The following KDR variants were observed in gnomAD, a reference collection of about 807,000 sequenced individuals.
KDR encodes kinase insert domain receptor.
Under a neutral mutation model 160.9 loss-of-function variants are expected in KDR, and 43 were observed. The observed-to-expected ratio is 0.27, with a 90% CI of 0.21 to 0.34. The LOEUF (loss-of-function observed/expected upper bound fraction) is 0.34, where lower values mean the gene tolerates loss of function less well. Ranked by LOEUF, KDR falls within the 10% of genes least tolerant of loss-of-function variation. KDR has a pLI of 1.00. For synonymous variants in KDR, 617 were observed against 600.1 expected, an observed-to-expected ratio of 1.03 and a Z score of -0.41; for missense variants, 1,469 against 1,666.4, an observed-to-expected ratio of 0.88 and a Z score of 2.06.
intron 11 of KDR, 116 bp from the exon 12 acceptor site, chr4:55,106,056 C>T: frequency 2.6e-6 from 2 of 777,098 alleles, no homozygotes; most frequent in Non-Finnish European, 4.7e-6. Context: ...CCCACTTCTG[C>T]AGCGGTTGGA....
At chr4:55,085,499 C>T (rs1423447749) in intron 27 of KDR, among the ~76,000 whole-genome samples, 1 of 152,128 alleles carries the variant, frequency 6.6e-6, no homozygotes, top group African/African-American at 2.4e-5. Flanking sequence ...TGAGAAGTAC[C>T]CCAGCCTCAA....
chr4:55,107,706 A>G (rs2110025213), intron 10 of KDR, 31 bp downstream of exon 10: 1 of 1,613,566 alleles, frequency 6.2e-7, no homozygotes, highest in Admixed American at 1.7e-5. Flanking sequence ...GCAAGATGGC[A>G]GGAAAGCAAA....
At chr4:55,103,375 C>T (rs1377310996) in intron 13 of KDR, among the ~76,000 whole-genome samples, 1 of 152,186 alleles carries the variant, frequency 6.6e-6, no homozygotes, top group Non-Finnish European at 1.5e-5. Context: ...ACATTGAAGT[C>T]TAAGCAAATG....
intron 15 of KDR, among the ~76,000 whole-genome samples, chr4:55,101,356 C>A (rs1036679929): frequency 6.6e-5 from 10 of 152,158 alleles, no homozygotes; most frequent in African/African-American, 2.4e-4. Context: ...TAAAAGAATA[C>A]ATACTCACTG....
At chr4:55,103,734 A>C (rs1219818011) in intron 13 of KDR, among the ~76,000 whole-genome samples, 1 of 152,032 alleles carries the variant, frequency 6.6e-6, no homozygotes, top group Non-Finnish European at 1.5e-5. Flanking sequence ...ACCCTCTAAA[A>C]CTGTGGTATA....
intron 13 of KDR, among the ~76,000 whole-genome samples, chr4:55,104,101 C>T (rs1170167049): frequency 2.6e-5 from 4 of 152,150 alleles, no homozygotes; most frequent in Admixed American, 6.5e-5. Context: ...AGGTCTTAAA[C>T]GCAGCCCATC....
In KDR at chr4:55,115,373, G is replaced by T; in HGVS notation, c.397C>A (p.His133Asn). Residue 133 changes from histidine to asparagine, a missense_variant, in exon 4 of 30, where the codon CAT (histidine) becomes AAT (asparagine). Physicochemically the swap from His to Asn is moderately conservative, Grantham distance 68. Around this residue, in one of 7 missense-constraint regions of KDR, gnomAD observed 792 missense variants for 840.9 expected, o/e 0.94. Transcript: ENST00000263923. ...TTCTCAGTAATGTACACGACTCCAT[G>T]TTGGTCACTAACAGAAGCAATAAAT... Reference protein sequence around the residue: ...SPFIASVSDQHGVVYITENKN... With the variant: ...SPFIASVSDQNGVVYITENKN... 1 of 1,547,948 alleles carries T rather than the reference G, an allele frequency of 6.5e-7. No homozygotes were observed. The highest frequency in any genetic ancestry group is 8.9e-7 in the Non-Finnish European group (1 of 1,119,764).
rs762537157 is a variant in KDR, at chr4:55,110,695, G to T, written c.1050C>A (p.Ile350=). 1.2e-6 allele frequency: 2 copies of T among 1,613,462 alleles called. No individual in the cohort carries two copies. The highest frequency in any genetic ancestry group is 1.1e-5 in the South Asian group (1 of 91,028). The part of the protein sequence containing the change: ...VEATVGERVR[I]PAKYLGYPPP... ...GTGGGTAACCAAGGTACTTCGCAGG[G>T]ATTCTGACACGCTCCCCCACCGTGG... is the stretch of plus-strand genomic sequence containing the variant. Residue 350 remains isoleucine (I), a synonymous_variant, in exon 8 of 30, where the codon ATC becomes ATA. Transcript: ENST00000263923.
In KDR at chr4:55,105,902, T is replaced by A; in HGVS notation, c.1575A>T (p.Ser525=). ...TGACCGCTTCACATTTGTACAAAGCTGACACATTTGCCGCTTGGATAACAA... is the reference window on the plus strand; with the variant it reads ...TGACCGCTTCACATTTGTACAAAGCAGACACATTTGCCGCTTGGATAACAA... ...STLVIQAANV[S]ALYKCEAVNK... Residue 525 remains serine (S), a synonymous_variant, in exon 12 of 30, where the codon TCA becomes TCT. Coordinates refer to ENST00000263923, the MANE Select transcript of KDR (RefSeq NM_002253.4). 6.2e-7 allele frequency: 1 copy of A among 1,613,646 alleles called. No homozygotes were observed. The highest frequency in any genetic ancestry group is 8.5e-7 in the Non-Finnish European group (1 of 1,179,626).
In KDR at chr4:55,080,012, C is replaced by A. The variant is rs1351307524; in HGVS notation, c.4000G>T (p.Val1334Leu). The A allele has an allele frequency of 1.2e-6, 2 of 1,614,204 alleles. No individual in the cohort carries two copies. Reference sequence around the variant, plus strand: ...ATCTGGGCTGTGCTACCGGTTTGCACTCCAATCTCTATCAGCTTTAAAAGT... The same window carrying A: ...ATCTGGGCTGTGCTACCGGTTTGCAATCCAATCTCTATCAGCTTTAAAAGT... ...AELLKLIEIG[V>L]QTGSTAQILQ... Residue 1334 changes from valine to leucine, a missense_variant, in exon 30 of 30, where the codon GTG becomes TTG. Val to Leu is a conservative substitution (Grantham distance 32). This residue lies in a region of KDR where 229 missense variants were observed against 197.8 expected (regional missense o/e 1.16). Transcript: ENST00000263923.
At chr4:55,116,038 T>G (rs1326615440) in intron 3 of KDR, among the ~76,000 whole-genome samples, 1 of 152,204 alleles carries the variant, frequency 6.6e-6, no homozygotes. Context: ...TAATTGTTTT[T>G]GCATTTAGTT....
intron 12 of KDR, among the ~76,000 whole-genome samples, chr4:55,105,629 G>A (rs907217411): frequency 2.0e-5 from 3 of 152,218 alleles, no homozygotes; most frequent in Non-Finnish European, 4.4e-5. Context: ...TCTCTCCAGT[G>A]TAGTTAGACG....
intron 4 of KDR, 58 bp from the exon 5 acceptor site, chr4:55,115,100 T>C (rs1206882928): frequency 7.0e-7 from 1 of 1,418,924 alleles, no homozygotes; most frequent in East Asian, 2.3e-5. Context: ...GAGAGCCATG[T>C]ACAATGATCA....
At chr4:55,089,606 A>G (rs1455709126) in intron 24 of KDR, 85 bp downstream of exon 24, 3 of 1,379,722 alleles carry the variant, frequency 2.2e-6, no homozygotes, top group Admixed American at 1.7e-5. Context: ...GTTTTGCCTG[A>G]TAGACATGAA....
At chr4:55,123,375 G>A (rs529734096) in intron 1 of KDR, among the ~76,000 whole-genome samples, 12 of 152,146 alleles carry the variant, frequency 7.9e-5, no homozygotes, top group African/African-American at 2.2e-4. Context: ...GTGCCCACTC[G>A]GCTACCAAAA....
chr4:55,101,019 T>C (rs1720296777), intron 15 of KDR, among the ~76,000 whole-genome samples: 1 of 152,154 alleles, frequency 6.6e-6, no homozygotes, highest in African/African-American at 2.4e-5. Flanking sequence ...CGTATTGAGA[T>C]AAAAACCAAA....
intron 27 of KDR, among the ~76,000 whole-genome samples, chr4:55,082,953 T>A (rs1469690647): frequency 6.6e-6 from 1 of 152,202 alleles, no homozygotes; most frequent in African/African-American, 2.4e-5. Context: ...GGCTTCCTGA[T>A]TGCATGGGAT....
At chr4:55,104,055 G>A (rs1720377289) in intron 13 of KDR, among the ~76,000 whole-genome samples, 1 of 152,178 alleles carries the variant, frequency 6.6e-6, no homozygotes, top group African/African-American at 2.4e-5. Context: ...CAGAGGTACA[G>A]ACAGTGAATG....
Position 55,114,137 on chromosome 4 carries a change from G to C in KDR, c.787C>G (p.Pro263Ala), listed in dbSNP as rs587778429. 5.6e-6 allele frequency: 9 copies of C among 1,613,888 alleles called. No individual in the cohort carries two copies. Among genetic ancestry groups the C allele is most frequent in the East Asian group, 4.5e-5 (2 of 44,862 alleles). The change falls in exon 6 of 30, where the codon CCT becomes GCT. Residue 263 changes from proline to alanine, a missense_variant. Transcript: ENST00000263923. ...NVGIDFNWEY[P>A]SSKHQHKKLV... ...ATCATTAGCGTTACCTTCGAAGAAG[G>C]GTATTCCCAGTTGAAGTCAATCCCC...
Sources: allele counts gnomAD v4.1 joint callset (sites outside exome capture counted in the v4.1 genomes callset), GRCh38; gene constraint gnomAD v4.1.1; regional missense constraint gnomAD v4.1.1; transcripts MANE v1.5; gene names NCBI Gene and HGNC (gene_info 2026-07-23, HGNC 2026-07-21).